Variants in FMNL2 observed in about 807,000 individuals in gnomAD.
FMNL2 encodes the protein formin like 2.
Under a neutral mutation model 130.2 loss-of-function variants are expected in FMNL2, and 51 were observed. The ratio of observed to expected loss-of-function variants is 0.39; its 90% CI spans 0.31 to 0.49. The LOEUF is 0.49. Among genes scored for constraint, FMNL2 ranks in the 20% least tolerant of loss-of-function variants. The pLI, the probability that FMNL2 is intolerant of heterozygous loss-of-function variation, is 0.85. For missense variants in FMNL2, 977 were observed against 1,316.2 expected (o/e 0.74, Z 3.99); for synonymous variants, 465 against 467.1 (o/e 1.00, Z 0.06).
intron 6 of FMNL2, among the ~76,000 whole-genome samples, chr2:152,562,994 T>C (rs1383622409): frequency 6.6e-6 from 1 of 152,210 alleles, no homozygotes; most frequent in African/African-American, 2.4e-5. Context: ...ATGCTTACTT[T>C]TTAAAGTATT....
Position 152,412,444 on chromosome 2 carries a change from TTTTATATATATATATATATATATATA to T in FMNL2, c.117+76726_117+76751del, listed in dbSNP as rs1446439395. On this transcript the variant is annotated intron_variant, in intron 1 of 25. Transcript: ENST00000288670. Reference sequence around the variant, plus strand: ...ATTTCCTCTTACTTTCTTCTGTATATTTTATATATATATATATATATATATATATATATATATATATATATATATAT... The same window carrying T: ...ATTTCCTCTTACTTTCTTCTGTATATTATATATATATATATATATATATAT... 6.8e-4 allele frequency among the ~76,000 whole-genome samples: 70 copies of T among 103,362 alleles called. 3 individuals carry two copies. Among genetic ancestry groups the T allele is most frequent in the South Asian group, 6.5e-3 (18 of 2,760 alleles). 67.8% of individuals were successfully genotyped at this position (103,362 alleles called of 152,430 possible).
At chr2:152,510,031 G>A (rs946718871) in intron 1 of FMNL2, among the ~76,000 whole-genome samples, 9 of 152,142 alleles carry the variant, frequency 5.9e-5, no homozygotes, top group African/African-American at 1.7e-4. Flanking sequence ...TTATAGGCAT[G>A]AGCCATGATG....
At position 152,640,697 on chromosome 2, in the gene FMNL2, C is replaced by G; in HGVS notation, c.3046-94C>G. The stretch of plus-strand genomic sequence containing the variant: ...GTGTGTGTGTTTTTGGCCGAAGCTG[C>G]TTATTAGTAACATAATGCTCAGGCA... On this transcript the variant is annotated intron_variant, in intron 24 of 25. Transcript: ENST00000288670. The G allele has an allele frequency of 2.0e-6, 3 of 1,473,078 alleles. No homozygotes were observed. The South Asian group carries it at 3.9e-5, about 19-fold the overall frequency. 91.3% of individuals were successfully genotyped at this position (1,473,078 alleles called of 1,614,324 possible).
rs376754961 is a variant in FMNL2, at chr2:152,589,354, G to A, written c.876+8305G>A. ...ACAAAAAAAAACCCAGGGTGTTAGG[G>A]TGTTGCTGCCGTGTTATTTCTATTC... On this transcript the variant is annotated intron_variant, in intron 9 of 25. Coordinates refer to ENST00000288670, the MANE Select transcript of FMNL2 (RefSeq NM_052905.4). Among the ~76,000 whole-genome samples the A allele has an allele frequency of 5.1e-4, 77 of 152,176 alleles. 1 individual carries two copies. The South Asian group carries it at 9.5e-3, about 19-fold the overall frequency.
intron 3 of FMNL2, among the ~76,000 whole-genome samples, chr2:152,544,025 A>T (rs766552156): frequency 7.9e-5 from 12 of 152,164 alleles, no homozygotes; most frequent in Admixed American, 2.0e-4. Context: ...ACACCTGCAA[A>T]TGAGACTATT....
chr2:152,565,033 G>A (rs901109899), intron 6 of FMNL2, among the ~76,000 whole-genome samples: 1 of 151,958 alleles, frequency 6.6e-6, no homozygotes, highest in African/African-American at 2.4e-5. Flanking sequence ...GTGTGCCTTC[G>A]GTTAAGATAG....
chr2:152,345,377 A>C (rs1682057277), intron 1 of FMNL2, among the ~76,000 whole-genome samples: 1 of 152,204 alleles, frequency 6.6e-6, no homozygotes, highest in Non-Finnish European at 1.5e-5. Context: ...TTTTATTGGC[A>C]TAGAAGGAAG....
chr2:152,578,960 C>G lies in FMNL2; in HGVS notation c.778C>G (p.Pro260Ala). Residue 260 changes from proline to alanine, a missense_variant, in exon 8 of 26, where the codon CCC becomes GCC. Pro to Ala is a conservative substitution (Grantham distance 27, BLOSUM62 -1). Coordinates refer to ENST00000288670, the MANE Select transcript of FMNL2 (RefSeq NM_052905.4). ...TGCACTAAGCCTGAACAACAAGAAT[C>G]CCAGGTAAGCTGCTTTTGTAGTACG... Reference protein sequence around the residue: ...EIALSLNNKNPRTKALVLELL... With the variant: ...EIALSLNNKNARTKALVLELL... 6.2e-7 allele frequency: 1 copy of G among 1,612,452 alleles called. No individual in the cohort carries two copies. Among genetic ancestry groups the G allele is most frequent in the South Asian group, 1.1e-5 (1 of 90,824 alleles).
intron 1 of FMNL2, among the ~76,000 whole-genome samples, chr2:152,404,788 A>C (rs1325836201): frequency 6.6e-6 from 1 of 152,122 alleles, no homozygotes; most frequent in Non-Finnish European, 1.5e-5. Context: ...TATATGTATA[A>C]AATTTTTTTG....
chr2:152,426,904 A>G (rs1687228533), intron 1 of FMNL2, among the ~76,000 whole-genome samples: 1 of 151,888 alleles, frequency 6.6e-6, no homozygotes, highest in African/African-American at 2.4e-5. Context: ...TTTTAAGCAC[A>G]ACTCATCCAT....
intron 1 of FMNL2, among the ~76,000 whole-genome samples, chr2:152,506,775 T>C (rs191435230): frequency 5.3e-5 from 8 of 152,376 alleles, no homozygotes; most frequent in African/African-American, 1.4e-4. Context: ...TACTTAGGTC[T>C]AAACAACTAT....
intron 2 of FMNL2, among the ~76,000 whole-genome samples, chr2:152,523,973 A>G (rs1693248006): frequency 6.6e-6 from 1 of 152,202 alleles, no homozygotes; most frequent in Non-Finnish European, 1.5e-5. Flanking sequence ...GAAGGGAAAA[A>G]GCAGTTGAAA....
chr2:152,336,859 C>G (rs1374387305), intron 1 of FMNL2, among the ~76,000 whole-genome samples: 1 of 152,228 alleles, frequency 6.6e-6, no homozygotes, highest in Non-Finnish European at 1.5e-5. Flanking sequence ...GGGCAGCCAA[C>G]GATTGTGCCT....
intron 12 of FMNL2, among the ~76,000 whole-genome samples, chr2:152,615,972 A>G (rs1698923246): frequency 6.6e-6 from 1 of 152,154 alleles, no homozygotes; most frequent in South Asian, 2.1e-4. Flanking sequence ...AAGTGCCGCT[A>G]TGACCCAGCT....
At chr2:152,481,189 T>A (rs911517479) in intron 1 of FMNL2, among the ~76,000 whole-genome samples, 2 of 152,242 alleles carry the variant, frequency 1.3e-5, no homozygotes, top group African/African-American at 4.8e-5. Context: ...TTAAAAAATT[T>A]CTTCTAAGCA....
intron 25 of FMNL2, among the ~76,000 whole-genome samples, chr2:152,645,758 G>C (rs1364927238): frequency 6.6e-6 from 1 of 152,138 alleles, no homozygotes; most frequent in Non-Finnish European, 1.5e-5. Flanking sequence ...TTTGCTTTGA[G>C]TGTTGGGCTG....
chr2:152,637,777 C>T, intron 23 of FMNL2, 103 bp downstream of exon 23: 4 of 999,250 alleles, frequency 4.0e-6, no homozygotes, highest in Non-Finnish European at 6.2e-6. Flanking sequence ...TTCCTGTGGA[C>T]AGCAGATCTG....
intron 1 of FMNL2, among the ~76,000 whole-genome samples, chr2:152,389,124 C>G (rs13405341): frequency 0.25 from 37,835 of 151,486 alleles, 5,659 homozygotes; most frequent in African/African-American, 0.42. Context: ...TTCTATAAAG[C>G]CTAACACAGT....
intron 6 of FMNL2, among the ~76,000 whole-genome samples, chr2:152,571,738 C>G (rs977481135): frequency 1.3e-5 from 2 of 152,178 alleles, no homozygotes; most frequent in African/African-American, 2.4e-5. Context: ...GGACCTGATG[C>G]AGGCTGCCTT....
Sources: allele counts gnomAD v4.1 joint callset (sites outside exome capture counted in the v4.1 genomes callset), GRCh38; gene constraint gnomAD v4.1.1; transcripts MANE v1.5; gene names NCBI Gene and HGNC (gene_info 2026-07-23, HGNC 2026-07-21).